The following UNC13C variants were observed in gnomAD, a reference collection of about 807,000 sequenced individuals.
UNC13C encodes protein unc-13 homolog C.
In UNC13C, 174 loss-of-function variants were observed where a neutral mutation model predicts 245.4. The ratio of observed to expected loss-of-function variants is 0.71; its 90% CI spans 0.63 to 0.80. The LOEUF (loss-of-function observed/expected upper bound fraction) is 0.80, where lower values mean the gene tolerates loss of function less well. UNC13C is among the 30% of genes least tolerant of loss of function. UNC13C has a pLI of 0.00. For synonymous variants in UNC13C, 992 were observed against 895.1 expected (o/e 1.11, Z -1.93); for missense variants, 2,829 against 2,602.9 (o/e 1.09, Z -1.89).
At chr15:54,256,361 CATCTA>C (rs1249182591) in intron 8 of UNC13C, among the ~76,000 whole-genome samples, 3 of 152,166 alleles carry the variant, frequency 2.0e-5, no homozygotes, top group African/African-American at 7.2e-5. Context: ...TGTCTGTAAA[CATCTA>C]ATCTAGAAGG....
intron 19 of UNC13C, among the ~76,000 whole-genome samples, chr15:54,456,264 T>C (rs1200401114): frequency 6.6e-6 from 1 of 152,202 alleles, no homozygotes; most frequent in Non-Finnish European, 1.5e-5. Flanking sequence ...ACTTGTAGTA[T>C]AGTTTGAAGT....
intron 19 of UNC13C, among the ~76,000 whole-genome samples, chr15:54,481,242 G>A (rs8038316): frequency 0.1 from 15,196 of 151,844 alleles, 1,066 homozygotes; most frequent in African/African-American, 0.2. Flanking sequence ...TGGTGGTGGC[G>A]TCAGTATGCA....
chr15:54,176,190 GTT>G (rs3082176), intron 4 of UNC13C, among the ~76,000 whole-genome samples: 21,568 of 151,434 alleles, frequency 0.14, 2,874 homozygotes, highest in African/African-American at 0.35. Context: ...CAAGATCGTA[GTT>G]TTTTTTTTCT....
chr15:54,145,300 T>C (rs1412208856), intron 4 of UNC13C, among the ~76,000 whole-genome samples: 1 of 152,170 alleles, frequency 6.6e-6, no homozygotes, highest in African/African-American at 2.4e-5. Flanking sequence ...ATCCACATGT[T>C]ACTTATTTTA....
chr15:53,946,437 G>A, the UNC13C span, among the ~76,000 whole-genome samples: 3 of 132,440 alleles, frequency 2.3e-5, no homozygotes, highest in East Asian at 7.3e-4. Flanking sequence ...GTTTACTGAG[G>A]TGTTCTTTTT....
At chr15:53,959,213 C>T in the UNC13C span, among the ~76,000 whole-genome samples, 2 of 151,936 alleles carry the variant, frequency 1.3e-5, no homozygotes, top group African/African-American at 4.8e-5. Flanking sequence ...TAGGTTGATT[C>T]CATATTTTGG....
At position 54,567,939 on chromosome 15, in the gene UNC13C, C is replaced by T. The variant is rs895897620; in HGVS notation, c.6098C>T (p.Thr2033Ile). 6 of 1,568,118 alleles carry T rather than the reference C, an allele frequency of 3.8e-6. No individual in the cohort carries two copies. In the Admixed American group the frequency reaches 7.4e-5, roughly 19 times the overall value. The stretch of plus-strand genomic sequence containing the variant: ...ATAAAGAAATTCATAGATACTCAAA[C>T]CTCACAGAGTAAGTAACACATAGGA... ...ALIKKFIDTQ[T>I]SQSRSSKDAV... The change falls in exon 30 of 33, where the codon ACC becomes ATC. Residue 2033 changes from threonine (T) to isoleucine (I), a missense_variant. Physicochemically the swap from Thr to Ile is moderately conservative, Grantham distance 89 (BLOSUM62 -1). Coordinates refer to ENST00000260323, the MANE Select transcript of UNC13C (RefSeq NM_001080534.3).
intron 2 of UNC13C, among the ~76,000 whole-genome samples, chr15:54,138,513 G>A (rs1349401135): frequency 6.6e-6 from 1 of 151,764 alleles, no homozygotes; most frequent in African/African-American, 2.4e-5. Flanking sequence ...TTATACATCA[G>A]GAACATTTTC....
chr15:54,253,672 G>C (rs534411535), intron 8 of UNC13C, among the ~76,000 whole-genome samples: 1 of 152,106 alleles, frequency 6.6e-6, no homozygotes, highest in Non-Finnish European at 1.5e-5. Context: ...CCTGAATTAC[G>C]TTAACATAAC....
At chr15:54,297,312 G>A (rs983026769) in intron 11 of UNC13C, among the ~76,000 whole-genome samples, 1 of 151,900 alleles carries the variant, frequency 6.6e-6, no homozygotes, top group Non-Finnish European at 1.5e-5. Context: ...ACCACAATAG[G>A]CAAATATTTT....
At chr15:54,454,434 C>T (rs559420413) in intron 19 of UNC13C, among the ~76,000 whole-genome samples, 19 of 152,012 alleles carry the variant, frequency 1.2e-4, no homozygotes, top group Middle Eastern at 3.4e-3. Context: ...AAAAGTTAGC[C>T]GGGCGTGTTG....
In UNC13C at chr15:54,435,824, A is replaced by G. The variant is rs534291030; in HGVS notation, c.4933+20757A>G. On this transcript the variant is annotated intron_variant, in intron 19 of 32. Coordinates refer to ENST00000260323, the MANE Select transcript of UNC13C (RefSeq NM_001080534.3). ...GAATGGGAGAAAACTTTTGCAATCT[A>G]TCCATCTGACAAAGGGCTAATATCC... 1.1e-4 allele frequency among the ~76,000 whole-genome samples: 16 copies of G among 151,966 alleles called. No homozygotes were observed. In the South Asian group the frequency reaches 3.3e-3, roughly 32 times the overall value.
chr15:53,909,347 A>G, the UNC13C span, among the ~76,000 whole-genome samples: 6 of 146,894 alleles, frequency 4.1e-5, no homozygotes, highest in Non-Finnish European at 1.5e-5. Context: ...TAACAATGAA[A>G]TATGAATCAA....
chr15:54,503,796 CTAAT>C lies in UNC13C; in HGVS notation c.5301+2821_5301+2824del, dbSNP rs1289889910. Among the ~76,000 whole-genome samples the C allele has an allele frequency of 2.6e-5, 4 of 152,086 alleles. No homozygotes were observed. The South Asian group carries it at 6.2e-4, about 24-fold the overall frequency. On this transcript the variant is annotated intron_variant, in intron 22 of 32. Coordinates refer to ENST00000260323, the MANE Select transcript of UNC13C (RefSeq NM_001080534.3). The stretch of plus-strand genomic sequence containing the variant: ...TTTTTATTTCATCAGATGTGACTGA[CTAAT>C]TAGTCTTGAAAACTCTACGCTTCTA...
chr15:54,386,535 T>G (rs1324012040), intron 17 of UNC13C, among the ~76,000 whole-genome samples: 3 of 152,150 alleles, frequency 2.0e-5, no homozygotes, highest in Admixed American at 2.0e-4. Flanking sequence ...TTTCTCTTGT[T>G]GGTTTTCAGT....
intron 19 of UNC13C, among the ~76,000 whole-genome samples, chr15:54,433,256 CA>C (rs1468082378): frequency 4.6e-5 from 7 of 151,960 alleles, no homozygotes; most frequent in African/African-American, 1.7e-4. Context: ...ATCCTGATAC[CA>C]AAACCTGCCA....
chr15:54,393,296 T>C, intron 18 of UNC13C, 115 bp downstream of exon 18: 1 of 915,774 alleles, frequency 1.1e-6, no homozygotes, highest in African/African-American at 1.7e-5. Context: ...AATTAAGCTA[T>C]AGAAAATAGT....
At chr15:54,567,685 G>GT in intron 29 of UNC13C, 115 bp from the exon 30 acceptor site, 1 of 957,900 alleles carries the variant, frequency 1.0e-6, no homozygotes, top group Non-Finnish European at 1.4e-6. Context: ...CCATTTTTTT[G>GT]TATCTTGCAT....
intron 30 of UNC13C, among the ~76,000 whole-genome samples, chr15:54,618,569 T>TGTTCAA (rs1479265003): frequency 1.7e-4 from 9 of 52,454 alleles, no homozygotes; most frequent in African/African-American, 4.9e-4. Flanking sequence ...AGATATCCTG[T>TGTTCAA]GTTCAAAGTG....
Sources: gnomAD v4.1 joint callset for allele counts (sites outside exome capture counted in the v4.1 genomes callset) on GRCh38, gnomAD v4.1.1 for gene constraint, MANE v1.5 for transcripts, NCBI Gene and HGNC (gene_info 2026-07-23, HGNC 2026-07-21) for gene names.